Variants in ERCC5 observed in about 807,000 individuals in gnomAD.
The protein encoded by ERCC5 is DNA excision repair protein ERCC-5.
Under a neutral mutation model 105.6 loss-of-function variants are expected in ERCC5, and 68 were observed. That is an observed-to-expected ratio of 0.64 (90% confidence interval 0.53 to 0.79). The LOEUF (loss-of-function observed/expected upper bound fraction) is 0.79. Among genes scored for constraint, ERCC5 ranks in the 30% least tolerant of loss-of-function variants. The pLI is 0.00. For missense variants in ERCC5, 1,373 were observed against 1,426.7 expected (o/e 0.96, Z 0.61); for synonymous variants, 546 against 526.2 (o/e 1.04, Z -0.51).
Position 102,846,196 on chromosome 13 carries a change from G to C in ERCC5, c.-71G>C. ...AGGGCTTCCTCCCGGGGTCCTAGGC[G>C]GCGGTGCAGTCCGTCGTAGAAGAAT... is the stretch of plus-strand genomic sequence containing the variant. On this transcript the variant is annotated 5_prime_UTR_variant, in exon 1 of 15. Transcript: ENST00000652225. The C allele has an allele frequency of 7.6e-7, 1 of 1,323,052 alleles. No homozygotes were observed. Among genetic ancestry groups the C allele is most frequent in the South Asian group, 1.2e-5 (1 of 81,602 alleles). The allele number at this position is 1,323,052 out of a possible 1,614,324, so 82.0% of individuals were successfully genotyped here. A position where few individuals can be genotyped will look rare whatever the true frequency, so the allele number is the denominator to read the frequency against.
At chr13:102,860,843 G>T (rs899432838) in intron 6 of ERCC5, among the ~76,000 whole-genome samples, 1 of 152,154 alleles carries the variant, frequency 6.6e-6, no homozygotes, top group Non-Finnish European at 1.5e-5. Flanking sequence ...TATGGGATAA[G>T]GTTGTGCAGG....
intron 12 of ERCC5, among the ~76,000 whole-genome samples, chr13:102,869,372 A>C (rs977479442): frequency 6.6e-6 from 1 of 152,234 alleles, no homozygotes; most frequent in African/African-American, 2.4e-5. Flanking sequence ...TATACAAATA[A>C]AGTAAATACA....
intron 12 of ERCC5, among the ~76,000 whole-genome samples, chr13:102,869,239 C>T (rs1338913396): frequency 1.3e-5 from 2 of 152,140 alleles, no homozygotes; most frequent in Non-Finnish European, 2.9e-5. Context: ...GTATTTTATA[C>T]TTTCTTCATT....
chr13:102,856,443 C>A (rs972885167), intron 5 of ERCC5, among the ~76,000 whole-genome samples: 2 of 152,014 alleles, frequency 1.3e-5, no homozygotes, highest in African/African-American at 2.4e-5. Context: ...CTTGTAATAA[C>A]AGTTTGATAT....
intron 1 of ERCC5, among the ~76,000 whole-genome samples, chr13:102,850,088 G>A (rs1329003291): frequency 6.6e-6 from 1 of 151,946 alleles, no homozygotes; most frequent in Non-Finnish European, 1.5e-5. Context: ...ACCATGCCTG[G>A]CTAATTTTTG....
intron 3 of ERCC5, 175 bp downstream of exon 3, chr13:102,854,047 C>A: frequency 1.3e-6 from 1 of 746,720 alleles, no homozygotes. Flanking sequence ...TGGCAATTCT[C>A]CGTTCTGTGA....
Position 102,862,999 on chromosome 13 carries a change from C to A in ERCC5, c.1850C>A (p.Thr617Asn). Residue 617 changes from threonine to asparagine, a missense_variant, in exon 8 of 15, where the codon ACC becomes AAC. Thr to Asn is a moderately conservative substitution (Grantham distance 65). Coordinates refer to ENST00000652225, the MANE Select transcript of ERCC5 (RefSeq NM_000123.4). ...AAAGAGCATGAGAATTTTCTGGAAA[C>A]CATCCAAGAACAGCAGACCACTGAA... ...NAKEHENFLE[T>N]IQEQQTTESA... 1 of 1,614,148 alleles carries A rather than the reference C, an allele frequency of 6.2e-7. No individual in the cohort carries two copies. Among genetic ancestry groups the A allele is most frequent in the Non-Finnish European group, 8.5e-7 (1 of 1,180,032 alleles).
At position 102,863,100 on chromosome 13, in the gene ERCC5, G is replaced by T. The variant is rs959938676; in HGVS notation, c.1951G>T (p.Asp651Tyr). ...AATTGACTCGGAAGAAAGTGAATCT[G>T]ATGGTACGTGTCTGTGCTTTTGTAG... ...MEIDSEESES[D>Y]GSFIEVQSVI... The change falls in exon 8 of 15, where the codon GAT becomes TAT. Residue 651 changes from aspartate to tyrosine, a missense_variant. Physicochemically the swap from Asp to Tyr is radical, Grantham distance 160. Transcript: ENST00000652225. 1.2e-6 allele frequency: 2 copies of T among 1,613,168 alleles called. No individual in the cohort carries two copies. Among genetic ancestry groups the T allele is most frequent in the Non-Finnish European group, 1.7e-6 (2 of 1,179,900 alleles).
rs1203032854 is a variant in ERCC5, at chr13:102,862,087, A to G, written c.938A>G (p.Lys313Arg). 3.1e-6 allele frequency: 5 copies of G among 1,614,214 alleles called. No homozygotes were observed. Among genetic ancestry groups the G allele is most frequent in the Non-Finnish European group, 4.2e-6 (5 of 1,180,044 alleles). The part of the protein sequence containing the change: ...VDSESLPSSS[K>R]MHGMSFDVKS... ...TCAGAGTCTCTTCCTTCTTCCAGCA[A>G]AATGCACGGCATGTCTTTTGACGTG... Residue 313 changes from lysine (K) to arginine (R), a missense_variant, in exon 8 of 15, where the codon AAA (lysine) becomes AGA (arginine). By Grantham distance (26) the Lys-to-Arg change is conservative (BLOSUM62 2). Around this residue, in one of 3 missense-constraint regions of ERCC5, gnomAD observed 1,004 missense variants for 1,059.7 expected, o/e 0.95. Coordinates refer to ENST00000652225, the MANE Select transcript of ERCC5 (RefSeq NM_000123.4).
chr13:102,870,857 C>T (rs1175674985), intron 12 of ERCC5, among the ~76,000 whole-genome samples: 6 of 152,114 alleles, frequency 3.9e-5, no homozygotes, highest in South Asian at 2.1e-4. Context: ...GCCTGAGCTG[C>T]GGGCGTTTTT....
At chr13:102,864,622 G>C (rs1006979553) in intron 8 of ERCC5, 4 of 152,096 alleles carry the variant, frequency 2.6e-5, no homozygotes, top group African/African-American at 9.7e-5. Flanking sequence ...TGGCCAAGCT[G>C]TTTCAGGCAT....
intron 14 of ERCC5, among the ~76,000 whole-genome samples, chr13:102,875,042 T>C (rs764854997): frequency 6.2e-4 from 94 of 152,342 alleles, no homozygotes; most frequent in Middle Eastern, 3.4e-3. Context: ...TCTTTGAATA[T>C]CTTAGGAAGA....
At chr13:102,864,760 T>C (rs1354864809) in intron 8 of ERCC5, 3 of 152,188 alleles carry the variant, frequency 2.0e-5, no homozygotes, top group African/African-American at 7.2e-5. Flanking sequence ...TCCTGAGGTA[T>C]AACTGTCTCA....
chr13:102,861,396 AT>A, intron 6 of ERCC5, 110 bp from the exon 7 acceptor site: 1 of 1,173,050 alleles, frequency 8.5e-7, no homozygotes, highest in Non-Finnish European at 1.2e-6. Context: ...ACTACCATCA[AT>A]GAAAAAAGCC....
chr13:102,866,073 T>TC lies in ERCC5; in HGVS notation c.2199+164dup, dbSNP rs1882823971. ...GTGTAGGTTACTGGCTGGGATAGAC[T>TC]CCGTTTTCCATGTGGTTTAGTGATG... On this transcript the variant is annotated intron_variant, in intron 9 of 14. Transcript: ENST00000652225. 1.1e-5 allele frequency: 17 copies of TC among 1,489,390 alleles called. No homozygotes were observed. In the East Asian group the frequency reaches 3.8e-4, roughly 34 times the overall value. 92.3% of individuals were successfully genotyped at this position (1,489,390 alleles called of 1,614,324 possible).
In ERCC5 at chr13:102,864,787, G is replaced by A. The variant is rs184033038; in HGVS notation, c.1955-880G>A. ...ACTGTCTCAGGCCTTTTCAGCAACA[G>A]TGCCAGGAAGTATATTTATGTATAC... On this transcript the variant is annotated intron_variant, in intron 8 of 14. Coordinates refer to ENST00000652225, the MANE Select transcript of ERCC5 (RefSeq NM_000123.4). The A allele has an allele frequency of 4.6e-5, 7 of 152,240 alleles. No homozygotes were observed. In the East Asian group the frequency reaches 1.4e-3, roughly 29 times the overall value. 9.4% of individuals were successfully genotyped at this position (152,240 alleles called of 1,614,324 possible).
At chr13:102,867,555 A>G (rs535835814) in intron 11 of ERCC5, among the ~76,000 whole-genome samples, 1 of 152,272 alleles carries the variant, frequency 6.6e-6, no homozygotes, top group South Asian at 2.1e-4. Flanking sequence ...GGCCAGTGTG[A>G]GAGGAGGAGG....
Position 102,861,723 on chromosome 13 carries a change from C to CCTTGATA in ERCC5, c.880+9_880+10insCTTGATA. The CCTTGATA allele has an allele frequency of 6.2e-7, 1 of 1,613,952 alleles. No individual in the cohort carries two copies. Among genetic ancestry groups the CCTTGATA allele is most frequent in the Non-Finnish European group, 8.5e-7 (1 of 1,179,904 alleles). ...TTACATCTTGATAAAAGGTATCAGG[C>CCTTGATA]ACCATCATTTATATATTTACATTAA... On this transcript the variant is annotated intron_variant, in intron 7 of 14. Coordinates refer to ENST00000652225, the MANE Select transcript of ERCC5 (RefSeq NM_000123.4).
chr13:102,862,407 C>T lies in ERCC5; in HGVS notation c.1258C>T (p.Arg420Cys), dbSNP rs374911899. The T allele has an allele frequency of 8.9e-6, 14 of 1,570,552 alleles. No individual in the cohort carries two copies. The highest frequency in any genetic ancestry group is 5.4e-5 in the Admixed American group (3 of 55,588). The change falls in exon 8 of 15, where the codon CGT becomes TGT. Residue 420 changes from arginine to cysteine, a missense_variant. Transcript: ENST00000652225. ...QTGGPGAEEM[R>C]INSSTENSDE... ...GGGAGGGCCAGGAGCAGAAGAAATG[C>T]GTATAAACAGCTCCACCGAGAACAG...
Sources: allele counts gnomAD v4.1 joint callset (sites outside exome capture counted in the v4.1 genomes callset), GRCh38; gene constraint gnomAD v4.1.1; regional missense constraint gnomAD v4.1.1; transcripts MANE v1.5; gene names NCBI Gene and HGNC (gene_info 2026-07-23, HGNC 2026-07-21).